Variants in N4BP2L2 observed in about 807,000 individuals in gnomAD.
The protein encoded by N4BP2L2 is NEDD4 binding protein 2 like 2.
N4BP2L2 carries 50 observed loss-of-function variants against 56.2 expected under a neutral mutation model. The ratio of observed to expected loss-of-function variants is 0.89; its 90% CI spans 0.71 to 1.13. N4BP2L2 has a LOEUF of 1.13. N4BP2L2 is among the 50% of genes most tolerant of loss of function. The probability of loss-of-function intolerance (pLI) is 0.00; values close to 1 mark genes in which losing one functional copy is unlikely to be tolerated. For missense variants in N4BP2L2, 689 were observed against 693.8 expected (o/e 0.99, Z 0.08); for synonymous variants, 203 against 223.6 (o/e 0.91, Z 0.82).
At chr13:32,500,569 A>AAAAAAAAAAAAAAAAAAAAAT (rs1555265131) in intron 6 of N4BP2L2, among the ~76,000 whole-genome samples, 3 of 134,624 alleles carry the variant, frequency 2.2e-5, no homozygotes, top group Non-Finnish European at 3.2e-5. Context: ...AAAAAAAAAA[A>AAAAAAAAAAAAAAAAAAAAAT]TAGCCAGGCA....
intron 2 of N4BP2L2, among the ~76,000 whole-genome samples, chr13:32,534,562 C>A (rs1051370478): frequency 6.6e-6 from 1 of 152,078 alleles, no homozygotes; most frequent in African/African-American, 2.4e-5. Context: ...CTACAAAATC[C>A]TCACTAAAGT....
At chr13:32,511,969 A>G (rs2048243057) in exon 6 of N4BP2L2, 1 of 152,212 alleles carries the variant, frequency 6.6e-6, no homozygotes, top group Admixed American at 6.5e-5. Flanking sequence ...AATTTCTTTC[A>G]GAATGAAGAG....
exon 8 of N4BP2L2, chr13:32,438,716 T>G (rs752157794): frequency 6.2e-7 from 1 of 1,609,768 alleles, no homozygotes; most frequent in South Asian, 1.1e-5. Flanking sequence ...GGGAACCACA[T>G]AGTCATCAGG....
chr13:32,437,920 C>T (rs2075710080), intron 8 of N4BP2L2, among the ~76,000 whole-genome samples: 1 of 152,146 alleles, frequency 6.6e-6, no homozygotes, highest in African/African-American at 2.4e-5. Context: ...CCATATATAT[C>T]CTTTTTCTAA....
intron 6 of N4BP2L2, chr13:32,478,051 G>T (rs986094758): frequency 4.7e-6 from 6 of 1,288,706 alleles, no homozygotes; most frequent in Admixed American, 2.3e-5. Context: ...GCTGGTTGCT[G>T]TGGGAAAATT....
At chr13:32,453,111 T>C (rs2078370382) in intron 6 of N4BP2L2, among the ~76,000 whole-genome samples, 1 of 152,006 alleles carries the variant, frequency 6.6e-6, no homozygotes, top group African/African-American at 2.4e-5. Context: ...TACAAGAAAT[T>C]AGCCGAGCAT....
intron 9 of N4BP2L2, chr13:32,432,995 A>G (rs1216596417): frequency 1.3e-5 from 2 of 152,228 alleles, no homozygotes; most frequent in African/African-American, 4.8e-5. Flanking sequence ...ACAAGCCCAG[A>G]CAAGACCAGA....
At chr13:32,465,266 G>C (rs781661371) in intron 6 of N4BP2L2, among the ~76,000 whole-genome samples, 1 of 151,860 alleles carries the variant, frequency 6.6e-6, no homozygotes, top group Non-Finnish European at 1.5e-5. Flanking sequence ...TGCCCAGCCC[G>C]AATCTAGAAA....
At chr13:32,470,019 TC>T (rs1037052704) in intron 6 of N4BP2L2, among the ~76,000 whole-genome samples, 1 of 152,196 alleles carries the variant, frequency 6.6e-6, no homozygotes, top group African/African-American at 2.4e-5. Context: ...TGGGGCTGCA[TC>T]AATTAATGGC....
At position 32,533,005 on chromosome 13, in the gene N4BP2L2, G is replaced by A. The variant is rs141115150; in HGVS notation, c.1259+2764C>T. On this transcript the variant is annotated intron_variant, in intron 2 of 5. Coordinates refer to ENST00000267068, the Ensembl canonical transcript of N4BP2L2. Reference sequence around the variant, plus strand: ...CTCCCAAAGTGCTGGGATTACAGGTGTAAGCCACCACACCTAGCCTGTTTC... The same window carrying A: ...CTCCCAAAGTGCTGGGATTACAGGTATAAGCCACCACACCTAGCCTGTTTC... 4.8e-3 allele frequency among the ~76,000 whole-genome samples: 729 copies of A among 152,058 alleles called. 6 individuals carry two copies. The highest frequency in any genetic ancestry group is 0.017 in the African/African-American group (700 of 41,494).
At chr13:32,478,525 C>G (rs995248579) in intron 6 of N4BP2L2, 3 of 155,174 alleles carry the variant, frequency 1.9e-5, no homozygotes, top group Admixed American at 6.3e-5. Context: ...GAGAAAAATG[C>G]TTTTGAAATT....
intron 6 of N4BP2L2, chr13:32,446,627 T>C (rs761295939): frequency 2.1e-5 from 19 of 924,386 alleles, no homozygotes; most frequent in Non-Finnish European, 2.8e-5. Flanking sequence ...ATAGTCACTG[T>C]CCCTCAGAAC....
intron 3 of N4BP2L2, chr13:32,522,484 G>A (rs1259439068): frequency 9.0e-6 from 3 of 333,790 alleles, no homozygotes; most frequent in Admixed American, 9.8e-5. Context: ...CAGACTGGAT[G>A]CTGGCTTTGA....
intron 6 of N4BP2L2, among the ~76,000 whole-genome samples, chr13:32,494,545 C>T (rs373489496): frequency 2.6e-5 from 4 of 152,108 alleles, no homozygotes; most frequent in African/African-American, 7.2e-5. Context: ...GTGCAGATCA[C>T]GAGGTCAGGA....
At chr13:32,527,320 C>A in intron 3 of N4BP2L2, 88 bp downstream of exon 3, 3 of 1,425,796 alleles carry the variant, frequency 2.1e-6, no homozygotes, top group Non-Finnish European at 2.9e-6. Context: ...AGTCATTCAG[C>A]TGGTAAAAAC....
chr13:32,439,639 C>G (rs559945213), intron 7 of N4BP2L2, among the ~76,000 whole-genome samples: 1 of 152,102 alleles, frequency 6.6e-6, no homozygotes, highest in Non-Finnish European at 1.5e-5. Context: ...TCAGTTATCA[C>G]TTAAAGCTCC....
intron 6 of N4BP2L2, chr13:32,504,648 C>CA (rs764786083): frequency 1.3e-5 from 2 of 152,262 alleles, no homozygotes; most frequent in Non-Finnish European, 2.9e-5. Flanking sequence ...ATGTCCTTCT[C>CA]AGACACAAAA....
intron 6 of N4BP2L2, among the ~76,000 whole-genome samples, chr13:32,502,061 A>ATTTT (rs368621196): frequency 2.4e-5 from 3 of 125,418 alleles, no homozygotes; most frequent in South Asian, 2.5e-4. Context: ...CTACTACAGC[A>ATTTT]TTTTTTTTTT....
intron 6 of N4BP2L2, among the ~76,000 whole-genome samples, chr13:32,496,747 C>T (rs983900370): frequency 6.6e-6 from 1 of 152,214 alleles, no homozygotes; most frequent in African/African-American, 2.4e-5. Context: ...TTATCTACCA[C>T]ATCCAGCAGG....
Sources: allele counts gnomAD v4.1 joint callset (sites outside exome capture counted in the v4.1 genomes callset), GRCh38; gene constraint gnomAD v4.1.1; transcripts MANE v1.5; gene names NCBI Gene and HGNC (gene_info 2026-07-23, HGNC 2026-07-21).